Variants in RARB observed in about 807,000 individuals in gnomAD.
RARB encodes the protein retinoic acid receptor beta, also known as HBV-activated protein.
RARB carries 17 observed loss-of-function variants against 51.9 expected under a neutral mutation model. That is an observed-to-expected ratio of 0.33 (90% CI 0.22 to 0.49). The LOEUF (loss-of-function observed/expected upper bound fraction) is 0.49. Ranked by LOEUF, RARB falls within the 20% of genes least tolerant of loss-of-function variation. The pLI, the probability that RARB is intolerant of heterozygous loss-of-function variation, is 0.99. For missense variants in RARB, 369 were observed against 550.8 expected (o/e 0.67, Z 3.30); for synonymous variants, 215 against 195.4 (o/e 1.10, Z -0.84).
intron 5 of RARB, among the ~76,000 whole-genome samples, chr3:25,283,088 A>G (rs74783361): frequency 0.026 from 3,903 of 152,200 alleles, 72 homozygotes; most frequent in Non-Finnish European, 0.038. Flanking sequence ...TCACAAGTAA[A>G]TCTCTAAGTC....
At chr3:25,109,731 C>T (rs150522797) in intron 3 of RARB, among the ~76,000 whole-genome samples, 427 of 152,252 alleles carry the variant, frequency 2.8e-3, no homozygotes, top group African/African-American at 9.5e-3. Flanking sequence ...CTTCCCTTTC[C>T]GTGAGCGTTA....
chr3:25,549,512 T>G (rs996851524), intron 3 of RARB, among the ~76,000 whole-genome samples: 2 of 152,168 alleles, frequency 1.3e-5, no homozygotes, highest in African/African-American at 2.4e-5. Flanking sequence ...ATGAACCAAC[T>G]CGGGGTAGTC....
chr3:25,052,980 C>G (rs74690902), intron 2 of RARB, among the ~76,000 whole-genome samples: 8,211 of 152,016 alleles, frequency 0.054, 390 homozygotes, highest in East Asian at 0.19. Context: ...TTACCTGGAC[C>G]CAACTTTTAA....
At chr3:25,588,002 G>A (rs1701466936) in intron 5 of RARB, among the ~76,000 whole-genome samples, 1 of 152,154 alleles carries the variant, frequency 6.6e-6, no homozygotes, top group Non-Finnish European at 1.5e-5. Flanking sequence ...GCTGTATGGA[G>A]GACATTGTTC....
chr3:25,446,898 C>T (rs1248492547), intron 1 of RARB, among the ~76,000 whole-genome samples: 2 of 150,208 alleles, frequency 1.3e-5, no homozygotes, highest in Non-Finnish European at 2.9e-5. Context: ...ACTAATCTTG[C>T]GTGTGGATTC....
At chr3:24,961,946 T>TC (rs1239435884) in intron 2 of RARB, among the ~76,000 whole-genome samples, 54 of 41,174 alleles carry the variant, frequency 1.3e-3, no homozygotes, top group African/African-American at 5.1e-3. Flanking sequence ...TTTTTTTTTT[T>TC]TGAGACAGAG....
At chr3:25,117,240 A>G (rs1011560987) in intron 3 of RARB, among the ~76,000 whole-genome samples, 5 of 152,184 alleles carry the variant, frequency 3.3e-5, no homozygotes, top group Admixed American at 2.0e-4. Context: ...CTACTTCCCA[A>G]GTAATAACTG....
intron 5 of RARB, among the ~76,000 whole-genome samples, chr3:25,202,832 G>T (rs1211099748): frequency 1.3e-5 from 2 of 152,160 alleles, no homozygotes; most frequent in Non-Finnish European, 2.9e-5. Context: ...TTTTACTTTT[G>T]CTGAGGAGTG....
At chr3:24,865,289 T>A (rs182259552) in intron 2 of RARB, among the ~76,000 whole-genome samples, 1 of 152,236 alleles carries the variant, frequency 6.6e-6, no homozygotes, top group East Asian at 1.9e-4. Flanking sequence ...CCTGTACACC[T>A]GCATATGCAG....
At chr3:25,159,154 CTTTTTTTTTTTTTTTT>C (rs397874262) in intron 4 of RARB, among the ~76,000 whole-genome samples, 1 of 65,304 alleles carries the variant, frequency 1.5e-5, no homozygotes, top group Non-Finnish European at 2.8e-5. Flanking sequence ...TCCAAATTGT[CTTTTTTTTTTTTTTTT>C]TTTTTTTTTT....
At chr3:25,572,173 G>T (rs1223139396) in intron 4 of RARB, among the ~76,000 whole-genome samples, 2 of 152,192 alleles carry the variant, frequency 1.3e-5, no homozygotes, top group East Asian at 3.9e-4. Context: ...ATGGTGGACT[G>T]TGTTGAGTTG....
At chr3:25,029,502 A>C (rs1172483772) in intron 2 of RARB, among the ~76,000 whole-genome samples, 1 of 152,226 alleles carries the variant, frequency 6.6e-6, no homozygotes, top group Non-Finnish European at 1.5e-5. Flanking sequence ...AGTATTTCCC[A>C]GTTTCATTTA....
At chr3:25,436,010 C>G (rs146362520) in intron 1 of RARB, among the ~76,000 whole-genome samples, 2 of 152,268 alleles carry the variant, frequency 1.3e-5, no homozygotes, top group African/African-American at 4.8e-5. Flanking sequence ...AGTAAATTAC[C>G]GGTTCCATTA....
intron 5 of RARB, among the ~76,000 whole-genome samples, chr3:25,419,987 T>A (rs1367484323): frequency 6.6e-6 from 1 of 152,204 alleles, no homozygotes; most frequent in Non-Finnish European, 1.5e-5. Flanking sequence ...AAGCTCTTGG[T>A]TGACTAGATG....
chr3:25,039,846 C>G (rs1006888921), intron 2 of RARB, among the ~76,000 whole-genome samples: 1 of 152,122 alleles, frequency 6.6e-6, no homozygotes, highest in Non-Finnish European at 1.5e-5. Context: ...ATAGATTTTG[C>G]AGAAAATTAG....
intron 3 of RARB, among the ~76,000 whole-genome samples, chr3:25,124,922 T>C (rs1699837953): frequency 1.3e-5 from 2 of 152,196 alleles, no homozygotes; most frequent in Admixed American, 1.3e-4. Flanking sequence ...TGTAATTCAT[T>C]TGGTTAATAT....
intron 5 of RARB, among the ~76,000 whole-genome samples, chr3:25,177,042 A>G (rs1700768937): frequency 6.6e-6 from 1 of 152,184 alleles, no homozygotes; most frequent in South Asian, 2.1e-4. Flanking sequence ...AGGGGCAGAA[A>G]AAGGACTAGG....
At chr3:25,591,333 C>T (rs1244770292) in intron 5 of RARB, among the ~76,000 whole-genome samples, 1 of 152,210 alleles carries the variant, frequency 6.6e-6, no homozygotes, top group African/African-American at 2.4e-5. Context: ...AGCTCTGCAC[C>T]CCTCTACAGC....
chr3:25,221,204 A>G (rs1216106550), intron 5 of RARB, among the ~76,000 whole-genome samples: 1 of 152,226 alleles, frequency 6.6e-6, no homozygotes, highest in Non-Finnish European at 1.5e-5. Flanking sequence ...AGGAACTACC[A>G]ACACTGAACA....
Sources: gnomAD v4.1 joint callset for allele counts (sites outside exome capture counted in the v4.1 genomes callset) on GRCh38, gnomAD v4.1.1 for gene constraint, MANE v1.5 for transcripts, NCBI Gene and HGNC (gene_info 2026-07-23, HGNC 2026-07-21) for gene names.